Variants in CATSPERT observed in about 807,000 individuals in gnomAD.
CATSPERT encodes the protein catsper channel auxiliary subunit tau.
At chr2:201,582,092 T>G in the CATSPERT span, 4 of 1,599,962 alleles carry the variant, frequency 2.5e-6, no homozygotes, top group Non-Finnish European at 3.4e-6. Flanking sequence ...ATTTTATACA[T>G]ACCTGAATTA....
At chr2:201,605,721 A>G in the CATSPERT span, among the ~76,000 whole-genome samples, 1 of 152,192 alleles carries the variant, frequency 6.6e-6, no homozygotes, top group African/African-American at 2.4e-5. Flanking sequence ...AATAACCACA[A>G]AACAGAAGTA....
chr2:201,545,629 C>CAAAAAAAAAAAAAAAAAAAAAAA, the CATSPERT span: 5 of 143,216 alleles, frequency 3.5e-5, 1 homozygote, highest in African/African-American at 1.1e-4. Context: ...TTCCTAGAAG[C>CAAAAAAAAAAAAAAAAAAAAAAA]AAAAAAAAAA....
the CATSPERT span, among the ~76,000 whole-genome samples, chr2:201,567,127 C>T: frequency 1.3e-5 from 2 of 152,158 alleles, no homozygotes; most frequent in African/African-American, 2.4e-5. Context: ...ATAGAACTCA[C>T]GATTTTCCCC....
the CATSPERT span, among the ~76,000 whole-genome samples, chr2:201,613,654 CA>C: frequency 6.6e-6 from 1 of 152,278 alleles, no homozygotes; most frequent in Middle Eastern, 3.4e-3. Flanking sequence ...GTTTCTCCTA[CA>C]AAGGAACACA....
chr2:201,584,697 C>T, the CATSPERT span, among the ~76,000 whole-genome samples: 347 of 151,976 alleles, frequency 2.3e-3, 1 homozygote, highest in Non-Finnish European at 1.9e-3. Flanking sequence ...GCAGGAGAAT[C>T]GCTTGAACCC....
chr2:201,594,384 C>T, the CATSPERT span, among the ~76,000 whole-genome samples: 8 of 151,972 alleles, frequency 5.3e-5, no homozygotes, highest in East Asian at 1.2e-3. Context: ...GAGGGTAACC[C>T]GACCTTTCTC....
chr2:201,513,748 C>A, the CATSPERT span, among the ~76,000 whole-genome samples: 2 of 152,054 alleles, frequency 1.3e-5, no homozygotes, highest in African/African-American at 4.8e-5. Context: ...ACTATGTAGC[C>A]GTAACAAAAT....
the CATSPERT span, chr2:201,534,682 G>A: frequency 3.9e-5 from 38 of 981,560 alleles, no homozygotes; most frequent in Non-Finnish European, 4.6e-5. Flanking sequence ...AGAATGTAAA[G>A]TGGTACAGTC....
At chr2:201,527,199 C>T in the CATSPERT span, among the ~76,000 whole-genome samples, 30 of 152,090 alleles carry the variant, frequency 2.0e-4, no homozygotes, top group Non-Finnish European at 3.8e-4. Flanking sequence ...TACAGCTAAC[C>T]AGGGAGGTGA....
At chr2:201,549,210 A>C in the CATSPERT span, among the ~76,000 whole-genome samples, 4 of 152,200 alleles carry the variant, frequency 2.6e-5, no homozygotes, top group African/African-American at 9.6e-5. Context: ...ATAATATTTT[A>C]AGTATTTTTT....
the CATSPERT span, among the ~76,000 whole-genome samples, chr2:201,570,748 C>T: frequency 6.6e-6 from 1 of 152,158 alleles, no homozygotes; most frequent in South Asian, 2.1e-4. Context: ...CCACTCTCAA[C>T]TAAAGACTGT....
chr2:201,559,186 G>A, the CATSPERT span, among the ~76,000 whole-genome samples: 3 of 152,106 alleles, frequency 2.0e-5, no homozygotes, highest in Non-Finnish European at 4.4e-5. Context: ...CCCCAATAAG[G>A]GCCAGAGAAA....
At chr2:201,562,057 T>C in the CATSPERT span, among the ~76,000 whole-genome samples, 1 of 152,158 alleles carries the variant, frequency 6.6e-6, no homozygotes, top group African/African-American at 2.4e-5. Context: ...GGCTGCCATC[T>C]TTTTCTAGGC....
chr2:201,564,104 T>C, the CATSPERT span, among the ~76,000 whole-genome samples: 2 of 152,226 alleles, frequency 1.3e-5, no homozygotes, highest in African/African-American at 4.8e-5. Flanking sequence ...TCAAATGTTA[T>C]GACCTAAGTT....
the CATSPERT span, chr2:201,495,784 CA>C: frequency 1.2e-5 from 5 of 401,316 alleles, no homozygotes; most frequent in Non-Finnish European, 2.1e-5. Flanking sequence ...GTATTTTTTA[CA>C]GTAGCCAGGT....
chr2:201,573,210 G>C, the CATSPERT span, among the ~76,000 whole-genome samples: 9 of 152,170 alleles, frequency 5.9e-5, no homozygotes, highest in Admixed American at 4.6e-4. Context: ...AGGATATAAT[G>C]AGAGAAAAGG....
the CATSPERT span, among the ~76,000 whole-genome samples, chr2:201,582,510 C>A: frequency 6.6e-6 from 1 of 152,136 alleles, no homozygotes; most frequent in African/African-American, 2.4e-5. Flanking sequence ...TACCTACATT[C>A]TCTTTTTAAC....
chr2:201,502,005 C>T, the CATSPERT span, among the ~76,000 whole-genome samples: 2 of 152,146 alleles, frequency 1.3e-5, no homozygotes, highest in African/African-American at 4.8e-5. Flanking sequence ...CAAGCAAGTC[C>T]ATCCTTCAGG....
chr2:201,592,474 A>G, the CATSPERT span, among the ~76,000 whole-genome samples: 4 of 150,700 alleles, frequency 2.7e-5, no homozygotes, highest in Non-Finnish European at 5.9e-5. Context: ...CGCCTTTGGT[A>G]TCAGGATGAT....
Sources: allele counts gnomAD v4.1 joint callset (sites outside exome capture counted in the v4.1 genomes callset), GRCh38; gene constraint gnomAD v4.1.1; transcripts MANE v1.5; gene names NCBI Gene and HGNC (gene_info 2026-07-23, HGNC 2026-07-21).